The following DYRK1A variants were observed in gnomAD, a reference collection of about 807,000 sequenced individuals.
The protein encoded by DYRK1A is dual specificity tyrosine phosphorylation regulated kinase 1A, also known as dual specificity tyrosine-phosphorylation-regulated kinase 1A.
In DYRK1A, 9 loss-of-function variants were observed where a neutral mutation model predicts 79.7. The ratio of observed to expected loss-of-function variants is 0.11; its 90% CI spans 0.07 to 0.20. The LOEUF is 0.20. Ranked by LOEUF, DYRK1A falls within the 10% of genes least tolerant of loss-of-function variation. The pLI is 1.00. For synonymous variants in DYRK1A, 349 were observed against 329.7 expected (o/e 1.06, Z -0.63); for missense variants, 622 against 956.0 (o/e 0.65, Z 4.61).
Position 37,491,562 on chromosome 21 carries a change from ACTGT to A in DYRK1A, c.924+1104_924+1107del, listed in dbSNP as rs2053097534. On this transcript the variant is annotated intron_variant, in intron 7 of 11. Coordinates refer to ENST00000647188, the MANE Select transcript of DYRK1A (RefSeq NM_001347721.2). ...TAAGGATTTATAGCCAATTAATAGG[ACTGT>A]CTTTTTGTTATTTTCTGCAACTTCT... Among the ~76,000 whole-genome samples the A allele has an allele frequency of 3.9e-5, 6 of 152,292 alleles. No individual in the cohort carries two copies. In the Middle Eastern group the frequency reaches 0.02, roughly 518 times the overall value.
At chr21:37,386,495 T>C (rs1159981816) in intron 1 of DYRK1A, among the ~76,000 whole-genome samples, 1 of 152,236 alleles carries the variant, frequency 6.6e-6, no homozygotes, top group Admixed American at 6.5e-5. Flanking sequence ...CTAAAACATC[T>C]GTGGTGCTGT....
intron 2 of DYRK1A, among the ~76,000 whole-genome samples, chr21:37,421,259 A>G (rs2050466843): frequency 6.6e-6 from 1 of 152,116 alleles, no homozygotes; most frequent in Non-Finnish European, 1.5e-5. Flanking sequence ...TTTTGAATTG[A>G]TACCTAACAG....
intron 2 of DYRK1A, among the ~76,000 whole-genome samples, chr21:37,452,179 C>G (rs1002464906): frequency 1.3e-5 from 2 of 150,600 alleles, no homozygotes; most frequent in Non-Finnish European, 3.0e-5. Flanking sequence ...ACTTTGACAG[C>G]AGTAGGGGGA....
intron 7 of DYRK1A, among the ~76,000 whole-genome samples, chr21:37,492,759 A>G (rs1428288645): frequency 6.6e-6 from 1 of 151,966 alleles, no homozygotes; most frequent in African/African-American, 2.4e-5. Flanking sequence ...AAGAAATATC[A>G]TGATGACTAG....
chr21:37,478,374 C>A, intron 4 of DYRK1A, 74 bp downstream of exon 4: 2 of 1,409,738 alleles, frequency 1.4e-6, no homozygotes, highest in Non-Finnish European at 9.7e-7. Context: ...CCTATTTACC[C>A]TAAACTTTTT....
rs2053864895 is a variant in DYRK1A, at chr21:37,515,214, G to T, written c.*2683G>T. On this transcript the variant is annotated 3_prime_UTR_variant, in exon 12 of 12. Transcript: ENST00000647188. ...TATGCTTTTTTAAAAATTAATTTAA[G>T]AAAAATGTAAACATAGTAAAAATCT... 6.6e-6 allele frequency: 1 copy of T among 152,508 alleles called. No individual in the cohort carries two copies. The highest frequency in any genetic ancestry group is 6.5e-5 in the Admixed American group (1 of 15,272). The allele number at this position is 152,508 out of a possible 1,614,324, so 9.4% of individuals were successfully genotyped here.
chr21:37,443,646 G>A (rs1054963967), intron 2 of DYRK1A, among the ~76,000 whole-genome samples: 1 of 152,158 alleles, frequency 6.6e-6, no homozygotes, highest in Admixed American at 6.5e-5. Flanking sequence ...GTGTAGTCCT[G>A]TGTAGTTTAT....
intron 7 of DYRK1A, among the ~76,000 whole-genome samples, chr21:37,492,558 T>G (rs2053130693): frequency 6.6e-6 from 1 of 152,060 alleles, no homozygotes; most frequent in African/African-American, 2.4e-5. Flanking sequence ...TATCTGAATT[T>G]TAAATTATAT....
intron 5 of DYRK1A, among the ~76,000 whole-genome samples, chr21:37,484,305 TG>T (rs1366232056): frequency 6.6e-6 from 1 of 150,536 alleles, no homozygotes; most frequent in East Asian, 2.0e-4. Context: ...CACTAACGTT[TG>T]GGCAGTTGCA....
intron 1 of DYRK1A, among the ~76,000 whole-genome samples, chr21:37,400,066 G>A (rs1279824422): frequency 6.6e-6 from 1 of 152,170 alleles, no homozygotes; most frequent in Non-Finnish European, 1.5e-5. Flanking sequence ...CAGGGCCAGG[G>A]CTGTGCTTTA....
At position 37,512,182 on chromosome 21, in the gene DYRK1A, T is replaced by C; in HGVS notation, c.1916T>C (p.Val639Ala). 1.9e-6 allele frequency: 3 copies of C among 1,614,140 alleles called. No individual in the cohort carries two copies. Among genetic ancestry groups the C allele is most frequent in the Non-Finnish European group, 2.5e-6 (3 of 1,180,010 alleles). ...NSSSTQDSME[V>A]GHSHHSMTSL... ...TCCTCTACCCAAGATTCTATGGAGG[T>C]TGGCCACAGTCACCACTCCATGACA... is the stretch of plus-strand genomic sequence containing the variant. Residue 639 changes from valine (V) to alanine (A), a missense_variant, in exon 12 of 12, where the codon GTT (valine) becomes GCT (alanine). Coordinates refer to ENST00000647188, the MANE Select transcript of DYRK1A (RefSeq NM_001347721.2).
intron 2 of DYRK1A, among the ~76,000 whole-genome samples, chr21:37,467,314 C>T (rs2052064889): frequency 6.6e-6 from 1 of 152,178 alleles, no homozygotes; most frequent in African/African-American, 2.4e-5. Flanking sequence ...ACTGCACCCT[C>T]CTCCTCCTGG....
Position 37,519,674 on chromosome 21 carries a change from T to C in DYRK1A, c.*7143T>C, listed in dbSNP as rs1350385108. On this transcript the variant is annotated 3_prime_UTR_variant, in exon 12 of 12. Coordinates refer to ENST00000647188, the MANE Select transcript of DYRK1A (RefSeq NM_001347721.2). ...CTAGGTGTTAACATTCCTTTACTAG[T>C]TGGTTTTGCATACCGCACAGTCCCT... 6.6e-6 allele frequency: 1 copy of C among 152,048 alleles called. No homozygotes were observed. The highest frequency in any genetic ancestry group is 1.5e-5 in the Non-Finnish European group (1 of 68,030). The allele number at this position is 152,048 out of a possible 1,614,324, so 9.4% of individuals were successfully genotyped here.
intron 7 of DYRK1A, 35 bp from the exon 8 acceptor site, chr21:37,492,982 C>T (rs1240520237): frequency 2.0e-6 from 3 of 1,526,864 alleles, no homozygotes; most frequent in Non-Finnish European, 2.7e-6. Context: ...CAGTTTTAAG[C>T]AATTGAAGTA....
intron 7 of DYRK1A, among the ~76,000 whole-genome samples, chr21:37,491,546 A>T (rs749506790): frequency 3.3e-5 from 5 of 152,210 alleles, no homozygotes; most frequent in Non-Finnish European, 7.3e-5. Flanking sequence ...ATAAGGATTT[A>T]TAGCCAATTA....
At chr21:37,404,203 C>T (rs1473001631) in intron 1 of DYRK1A, among the ~76,000 whole-genome samples, 2 of 152,128 alleles carry the variant, frequency 1.3e-5, no homozygotes, top group South Asian at 4.1e-4. Context: ...AATTGGCTCA[C>T]GTGACAGTGG....
chr21:37,450,842 T>C (rs2051423536), intron 2 of DYRK1A, among the ~76,000 whole-genome samples: 2 of 152,224 alleles, frequency 1.3e-5, no homozygotes, highest in Non-Finnish European at 2.9e-5. Flanking sequence ...GAGAGCATGC[T>C]GATGGCTTTA....
In DYRK1A at chr21:37,513,739, A is replaced by G. The variant is rs985000383; in HGVS notation, c.*1208A>G. The G allele has an allele frequency of 3.9e-5, 6 of 152,648 alleles. No individual in the cohort carries two copies. Among genetic ancestry groups the G allele is most frequent in the Admixed American group, 1.3e-4 (2 of 15,278 alleles). The allele number at this position is 152,648 out of a possible 1,614,324, so 9.5% of individuals were successfully genotyped here. On this transcript the variant is annotated 3_prime_UTR_variant, in exon 12 of 12. Transcript: ENST00000647188. ...TCCTGAACATTTTTAAAAAATGCAG[A>G]ATTTTATGTGACTGCTTTTTTGCCT...
chr21:37,390,664 G>T lies in DYRK1A; in HGVS notation c.-77+23036G>T, dbSNP rs151223501. Reference sequence around the variant, plus strand: ...GCTCATTGCAACCTCCGCTTCCCGTGTTCAAGTGATTCTCCTGCCTCAGCC... The same window carrying T: ...GCTCATTGCAACCTCCGCTTCCCGTTTTCAAGTGATTCTCCTGCCTCAGCC... On this transcript the variant is annotated intron_variant, in intron 1 of 11. Transcript: ENST00000647188. Among the ~76,000 whole-genome samples, 683 of 152,282 alleles carry T rather than the reference G, an allele frequency of 4.5e-3. 5 individuals are homozygous for T. The highest frequency in any genetic ancestry group is 0.015 in the African/African-American group (631 of 41,546).
Sources: allele counts gnomAD v4.1 joint callset (sites outside exome capture counted in the v4.1 genomes callset), GRCh38; gene constraint gnomAD v4.1.1; transcripts MANE v1.5; gene names NCBI Gene and HGNC (gene_info 2026-07-23, HGNC 2026-07-21).